The following STK35 variants were observed in gnomAD, a reference collection of about 807,000 sequenced individuals.
The protein encoded by STK35 is serine/threonine kinase 35.
STK35 carries 17 observed loss-of-function variants against 37.3 expected under a neutral mutation model. The ratio of observed to expected loss-of-function variants is 0.46; its 90% CI spans 0.31 to 0.68. The LOEUF (loss-of-function observed/expected upper bound fraction) is 0.68. Among genes scored for constraint, STK35 ranks in the 30% least tolerant of loss-of-function variants. The pLI is 0.05. For missense variants in STK35, 595 were observed against 746.7 expected (o/e 0.80, Z 2.37); for synonymous variants, 385 against 319.1 (o/e 1.21, Z -2.20).
intron 3 of STK35, among the ~76,000 whole-genome samples, chr20:2,142,942 G>A (rs904424850): frequency 6.6e-6 from 1 of 152,226 alleles, no homozygotes; most frequent in African/African-American, 2.4e-5. Context: ...CTGAAGGGCA[G>A]GCTTCTTGTC....
chr20:2,117,366 A>G lies in STK35; in HGVS notation c.1593A>G (p.Thr531=). 2 of 1,600,588 alleles carry G rather than the reference A, an allele frequency of 1.2e-6. No homozygotes were observed. Among genetic ancestry groups the G allele is most frequent in the Non-Finnish European group, 1.7e-6 (2 of 1,170,836 alleles). The change falls in exon 3 of 4, where the codon ACA becomes ACG. Residue 531 remains threonine (T), a synonymous_variant. Transcript: ENST00000381482. The surrounding 1 kb of genome is among the most constrained non-coding windows in gnomAD (Gnocchi z 4.4). ...TTGAAACCAGAATGGACCAGGTCAC[A>G]TGTGCTGCTTAAAATTCAGGGCTAA... is the stretch of plus-strand genomic sequence containing the variant. ...FELETRMDQV[T]CAA is the part of the protein sequence containing the mutation.
chr20:2,130,076 G>T (rs190424732), intron 3 of STK35, among the ~76,000 whole-genome samples: 1 of 152,202 alleles, frequency 6.6e-6, no homozygotes, highest in Non-Finnish European at 1.5e-5. Context: ...CATCATGTGT[G>T]GCTTGAGTGA....
chr20:2,114,836 G>T (rs990745704), intron 2 of STK35, among the ~76,000 whole-genome samples: 1 of 152,168 alleles, frequency 6.6e-6, no homozygotes, highest in African/African-American at 2.4e-5. Context: ...AGAAGTTTCA[G>T]TGTTTTCTGA....
chr20:2,142,071 C>A (rs1210364145), intron 3 of STK35, among the ~76,000 whole-genome samples: 2 of 152,218 alleles, frequency 1.3e-5, no homozygotes, highest in Non-Finnish European at 2.9e-5. Flanking sequence ...CCTCCTCCAG[C>A]AGTGTGCGGG....
chr20:2,102,036 G>C lies in STK35; in HGVS notation c.155G>C (p.Gly52Ala), dbSNP rs1317266186. The change falls in exon 1 of 4, where the codon GGA becomes GCA. Residue 52 changes from glycine (G) to alanine (A), a missense_variant. Physicochemically the swap from Gly to Ala is moderately conservative, Grantham distance 60 (BLOSUM62 0). This residue lies in a region of STK35 where 389 missense variants were observed against 320.0 expected (regional missense o/e 1.22). Coordinates refer to ENST00000381482, the MANE Select transcript of STK35 (RefSeq NM_080836.4). The stretch of plus-strand genomic sequence containing the variant: ...CCAGCGAGCGCCGCGGCAGCAGAAG[G>C]ATCCGCTACACGCCGGGCTCGGGCC... The part of the protein sequence containing the change: ...ASPASAAAAE[G>A]SATRRARAAT... 1 of 1,526,962 alleles carries C rather than the reference G, an allele frequency of 6.5e-7. No homozygotes were observed. 94.6% of individuals were successfully genotyped at this position (1,526,962 alleles called of 1,614,324 possible). A position where few individuals can be genotyped will look rare whatever the true frequency, so the allele number is the denominator to read the frequency against.
Position 2,117,986 on chromosome 20 carries a change from C to G in STK35, c.*37+571C>G, listed in dbSNP as rs897378704. ...GAGTCTCCCTTTTTTTAGAAACGCT[C>G]TTTCTCATCATTATAAATGCTCACT... is the stretch of plus-strand genomic sequence containing the variant. On this transcript the variant is annotated intron_variant, in intron 3 of 3. Transcript: ENST00000381482. This position sits in a 1 kb window ranked among gnomAD's most constrained non-coding sequence, Gnocchi z 4.4. Among the ~76,000 whole-genome samples, 3 of 152,174 alleles carry G rather than the reference C, an allele frequency of 2.0e-5. No homozygotes were observed. The highest frequency in any genetic ancestry group is 1.9e-4 in the East Asian group (1 of 5,186).
At chr20:2,121,090 T>C (rs1985808518) in intron 3 of STK35, among the ~76,000 whole-genome samples, 1 of 151,126 alleles carries the variant, frequency 6.6e-6, no homozygotes, top group African/African-American at 2.4e-5. Flanking sequence ...GAGCAAGGAG[T>C]GTATAGGAAG....
intron 3 of STK35, among the ~76,000 whole-genome samples, chr20:2,129,706 T>A (rs1985966463): frequency 6.6e-6 from 1 of 151,814 alleles, no homozygotes; most frequent in Non-Finnish European, 1.5e-5. Context: ...TGTGTGTAAA[T>A]GAAGAAAATA....
At chr20:2,111,945 T>A (rs1195540142) in intron 2 of STK35, among the ~76,000 whole-genome samples, 1 of 152,146 alleles carries the variant, frequency 6.6e-6, no homozygotes, top group East Asian at 1.9e-4. Context: ...CATCCCAGCT[T>A]CTCTCCCAAC....
chr20:2,121,840 GA>G (rs1985824150), intron 3 of STK35, among the ~76,000 whole-genome samples: 2 of 152,190 alleles, frequency 1.3e-5, no homozygotes, highest in Admixed American at 1.3e-4. Context: ...CAGTACTCAT[GA>G]ACAATTTTGG....
At chr20:2,141,667 A>G (rs571621867) in intron 3 of STK35, among the ~76,000 whole-genome samples, 1 of 152,302 alleles carries the variant, frequency 6.6e-6, no homozygotes, top group South Asian at 2.1e-4. Flanking sequence ...AACAAGCACA[A>G]CATGTTGGTG....
In STK35 at chr20:2,145,708, C is replaced by T. The variant is rs544525360; in HGVS notation, c.*1962C>T. ...CCTCCTGAGTGCACTGAGTTGTATCCGAGAGGGTGGGAACAGCAGCATCCC... is the reference window on the plus strand; with the variant it reads ...CCTCCTGAGTGCACTGAGTTGTATCTGAGAGGGTGGGAACAGCAGCATCCC... On this transcript the variant is annotated 3_prime_UTR_variant, in exon 4 of 4. Transcript: ENST00000381482. The T allele has an allele frequency of 1.3e-5, 2 of 152,230 alleles. No homozygotes were observed. Among genetic ancestry groups the T allele is most frequent in the South Asian group, 2.1e-4 (1 of 4,814 alleles). The allele number at this position is 152,230 out of a possible 1,614,324, so 9.4% of individuals were successfully genotyped here. A position where few individuals can be genotyped will look rare whatever the true frequency, so the allele number is the denominator to read the frequency against.
intron 3 of STK35, among the ~76,000 whole-genome samples, chr20:2,125,857 C>G (rs1244934499): frequency 2.0e-5 from 3 of 152,176 alleles, no homozygotes; most frequent in East Asian, 1.9e-4. Flanking sequence ...AGTAGGAGAT[C>G]TAAAGCACAC....
chr20:2,121,233 A>G (rs974603993), intron 3 of STK35, among the ~76,000 whole-genome samples: 4 of 152,246 alleles, frequency 2.6e-5, no homozygotes, highest in Admixed American at 6.5e-5. Context: ...ATCACTTTGC[A>G]TCTTGAAATA....
rs1985737784 is a variant in STK35, at chr20:2,117,514, A to C, written c.*37+99A>C. The C allele has an allele frequency of 3.1e-6, 2 of 641,468 alleles. No individual in the cohort carries two copies. The highest frequency in any genetic ancestry group is 3.1e-5 in the Admixed American group (1 of 32,072). 39.7% of individuals were successfully genotyped at this position (641,468 alleles called of 1,614,324 possible). On this transcript the variant is annotated intron_variant, in intron 3 of 3. Transcript: ENST00000381482. The surrounding 1 kb of genome is among the most constrained non-coding windows in gnomAD (Gnocchi z 4.4). Reference sequence around the variant, plus strand: ...GCAGCGGGTGCAGTGGCAGGATCTCAGCTCACTGCAACCTCCACCTCCCGA... The same window carrying C: ...GCAGCGGGTGCAGTGGCAGGATCTCCGCTCACTGCAACCTCCACCTCCCGA...
At chr20:2,130,576 C>G (rs1363609552) in intron 3 of STK35, among the ~76,000 whole-genome samples, 1 of 152,128 alleles carries the variant, frequency 6.6e-6, no homozygotes, top group Non-Finnish European at 1.5e-5. Context: ...GTGGGCATCT[C>G]GCTCTCTCTT....
Position 2,107,658 on chromosome 20 carries a change from A to G in STK35, c.892+4293A>G, listed in dbSNP as rs6035612. Among the ~76,000 whole-genome samples, 383 of 152,328 alleles carry G rather than the reference A, an allele frequency of 2.5e-3. 1 individual carries two copies. The highest frequency in any genetic ancestry group is 8.4e-3 in the African/African-American group (348 of 41,562). On this transcript the variant is annotated intron_variant, in intron 2 of 3. Coordinates refer to ENST00000381482, the MANE Select transcript of STK35 (RefSeq NM_080836.4). ...GCTGAGGGAGGAACTATAATAGTAT[A>G]GGATAGACCAGGGTCTTAGCAATAG...
chr20:2,103,986 T>C (rs1360027924), intron 2 of STK35, among the ~76,000 whole-genome samples: 2 of 152,230 alleles, frequency 1.3e-5, no homozygotes, highest in East Asian at 1.9e-4. Flanking sequence ...ACAGGTGGCC[T>C]GAGAGCTGTC....
intron 3 of STK35, among the ~76,000 whole-genome samples, chr20:2,118,450 C>T (rs1054330515): frequency 9.9e-5 from 15 of 152,094 alleles, no homozygotes; most frequent in East Asian, 3.9e-4. Context: ...GGCGTGGTGG[C>T]GGGCACTTGT....
Sources: allele counts gnomAD v4.1 joint callset (sites outside exome capture counted in the v4.1 genomes callset), GRCh38; gene constraint gnomAD v4.1.1; regional missense constraint gnomAD v4.1.1; non-coding constraint Gnocchi (gnomAD v3.1); transcripts MANE v1.5; gene names NCBI Gene and HGNC (gene_info 2026-07-23, HGNC 2026-07-21).